Variants in IMMP2L observed in about 807,000 individuals in gnomAD.
The protein encoded by IMMP2L is mitochondrial inner membrane protease subunit 2.
A neutral mutation model predicts 19.3 loss-of-function variants in IMMP2L; 18 were observed. The ratio of observed to expected loss-of-function variants is 0.93; its 90% CI spans 0.64 to 1.38. IMMP2L has a LOEUF of 1.38. Ranked by LOEUF, IMMP2L falls within the 40% of genes most tolerant of loss-of-function variation. The pLI is 0.00. For synonymous variants in IMMP2L, 76 were observed against 73.0 expected, an observed-to-expected ratio of 1.04 and a Z score of -0.21; for missense variants, 233 against 218.2, an observed-to-expected ratio of 1.07 and a Z score of -0.43.
chr7:111,085,077 C>T (rs1428276631), intron 3 of IMMP2L, among the ~76,000 whole-genome samples: 1 of 151,906 alleles, frequency 6.6e-6, no homozygotes, highest in Non-Finnish European at 1.5e-5. Context: ...CTTTTTGGAT[C>T]TACAGAGAAA....
intron 3 of IMMP2L, among the ~76,000 whole-genome samples, chr7:111,316,834 C>CA (rs1030386280): frequency 7.4e-6 from 1 of 134,572 alleles, no homozygotes; most frequent in African/African-American, 2.8e-5. Context: ...TTGTTGGCTC[C>CA]TTTTTTTTTT....
intron 5 of IMMP2L, among the ~76,000 whole-genome samples, chr7:110,850,619 G>T (rs139109757): frequency 2.0e-5 from 3 of 151,666 alleles, no homozygotes; most frequent in African/African-American, 7.3e-5. Context: ...AACCCTCCTG[G>T]GCTAAGCCCC....
At chr7:110,666,580 T>C (rs180888086) in intron 5 of IMMP2L, among the ~76,000 whole-genome samples, 2 of 151,756 alleles carry the variant, frequency 1.3e-5, no homozygotes, top group African/African-American at 4.8e-5. Context: ...GGCCATTATT[T>C]AGAAACCAAG....
At chr7:111,357,363 A>T (rs1828820898) in intron 3 of IMMP2L, among the ~76,000 whole-genome samples, 1 of 152,148 alleles carries the variant, frequency 6.6e-6, no homozygotes, top group Non-Finnish European at 1.5e-5. Context: ...ACCTCACCAC[A>T]CAGCATGAGG....
intron 3 of IMMP2L, among the ~76,000 whole-genome samples, chr7:111,270,114 G>T (rs1818298954): frequency 6.7e-6 from 1 of 148,488 alleles, no homozygotes; most frequent in South Asian, 2.2e-4. Flanking sequence ...CCACTGATTT[G>T]AAAATCACCG....
chr7:110,673,143 C>A (rs1393931224), intron 5 of IMMP2L, among the ~76,000 whole-genome samples: 1 of 152,206 alleles, frequency 6.6e-6, no homozygotes, highest in African/African-American at 2.4e-5. Context: ...GATGGAGGTT[C>A]CCAAACCTCA....
At chr7:110,890,319 G>T (rs1017812058) in intron 4 of IMMP2L, among the ~76,000 whole-genome samples, 14 of 151,984 alleles carry the variant, frequency 9.2e-5, no homozygotes, top group African/African-American at 3.1e-4. Context: ...TTGTATATTT[G>T]AATATTGCTA....
chr7:111,163,894 T>C (rs1003321523), intron 3 of IMMP2L, among the ~76,000 whole-genome samples: 3 of 152,032 alleles, frequency 2.0e-5, no homozygotes, highest in Non-Finnish European at 4.4e-5. Flanking sequence ...TAACTACAGA[T>C]GTAAAGACTA....
At chr7:111,528,884 A>G (rs1847135510) in intron 1 of IMMP2L, among the ~76,000 whole-genome samples, 1 of 152,212 alleles carries the variant, frequency 6.6e-6, no homozygotes, top group Non-Finnish European at 1.5e-5. Flanking sequence ...GGAAACCATC[A>G]AACTATGAAT....
At chr7:111,334,152 G>A (rs1826160846) in intron 3 of IMMP2L, among the ~76,000 whole-genome samples, 1 of 151,716 alleles carries the variant, frequency 6.6e-6, no homozygotes, top group South Asian at 2.1e-4. Context: ...CCATTTTTAA[G>A]TGTATAATTT....
At chr7:110,858,702 A>G (rs1807060780) in intron 5 of IMMP2L, among the ~76,000 whole-genome samples, 1 of 152,028 alleles carries the variant, frequency 6.6e-6, no homozygotes, top group African/African-American at 2.4e-5. Flanking sequence ...TGCTGCACCC[A>G]TTAACTCGTC....
chr7:111,454,393 T>C (rs577475982), intron 3 of IMMP2L, among the ~76,000 whole-genome samples: 1 of 152,134 alleles, frequency 6.6e-6, no homozygotes, highest in African/African-American at 2.4e-5. Context: ...TTTGTGATCA[T>C]AGCTTTGATT....
chr7:111,340,300 T>C (rs1490463028), intron 3 of IMMP2L, among the ~76,000 whole-genome samples: 1 of 152,014 alleles, frequency 6.6e-6, no homozygotes, highest in Non-Finnish European at 1.5e-5. Flanking sequence ...GATGACAGCC[T>C]GATAATACAT....
chr7:110,952,526 G>A (rs1000246370), intron 4 of IMMP2L, among the ~76,000 whole-genome samples: 4 of 152,088 alleles, frequency 2.6e-5, no homozygotes, highest in African/African-American at 9.7e-5. Context: ...TCTGTATTGG[G>A]GGAAAAGCTG....
chr7:111,320,681 G>A (rs1274086070), intron 3 of IMMP2L, among the ~76,000 whole-genome samples: 3 of 151,946 alleles, frequency 2.0e-5, no homozygotes, highest in Non-Finnish European at 4.4e-5. Flanking sequence ...TATTCTCTCA[G>A]TACTAGGCAC....
chr7:110,681,686 T>C (rs1167792721), intron 5 of IMMP2L, among the ~76,000 whole-genome samples: 1 of 152,186 alleles, frequency 6.6e-6, no homozygotes, highest in Non-Finnish European at 1.5e-5. Flanking sequence ...TTCATAAATG[T>C]ACCAAGCTGT....
intron 3 of IMMP2L, among the ~76,000 whole-genome samples, chr7:111,317,753 G>GA (rs143539425): frequency 0.026 from 3,946 of 152,076 alleles, 176 homozygotes; most frequent in African/African-American, 0.09. Context: ...AACTGCTTAA[G>GA]AAAAATTTAA....
At chr7:110,903,840 C>T (rs190098965) in intron 4 of IMMP2L, among the ~76,000 whole-genome samples, 31 of 152,128 alleles carry the variant, frequency 2.0e-4, no homozygotes, top group Non-Finnish European at 1.3e-4. Flanking sequence ...TCGATTCCCA[C>T]CGACAGTGTT....
chr7:111,020,390 A>ACAAG (rs1409710469), intron 3 of IMMP2L, among the ~76,000 whole-genome samples: 7 of 152,098 alleles, frequency 4.6e-5, no homozygotes, highest in African/African-American at 1.7e-4. Flanking sequence ...TCTCAAACAA[A>ACAAG]CAAGCAAACG....
Sources: gnomAD v4.1 joint callset for allele counts (sites outside exome capture counted in the v4.1 genomes callset) on GRCh38, gnomAD v4.1.1 for gene constraint, MANE v1.5 for transcripts, NCBI Gene and HGNC (gene_info 2026-07-23, HGNC 2026-07-21) for gene names.